Variants in ASTN2 observed in about 807,000 individuals in gnomAD.
ASTN2 encodes astrotactin-2.
Under a neutral mutation model 139.8 loss-of-function variants are expected in ASTN2, and 54 were observed. That is an observed-to-expected ratio of 0.39 (90% CI 0.31 to 0.48). The LOEUF (loss-of-function observed/expected upper bound fraction) is 0.48. ASTN2 is among the 20% of genes least tolerant of loss of function. The probability of loss-of-function intolerance (pLI) is 0.95; values close to 1 mark genes in which losing one functional copy is unlikely to be tolerated. For missense variants in ASTN2, 1,565 were observed against 1,725.1 expected (o/e 0.91, Z 1.64); for synonymous variants, 756 against 719.5 (o/e 1.05, Z -0.81).
intron 17 of ASTN2, among the ~76,000 whole-genome samples, chr9:116,625,284 C>G (rs982512104): frequency 5.9e-5 from 9 of 152,028 alleles, no homozygotes; most frequent in Admixed American, 5.9e-4. Flanking sequence ...AAATACAAAA[C>G]TTAGTCAGGT....
intron 20 of ASTN2, among the ~76,000 whole-genome samples, chr9:116,467,003 G>A (rs1848666366): frequency 6.6e-6 from 1 of 152,080 alleles, no homozygotes; most frequent in African/African-American, 2.4e-5. Flanking sequence ...GGTTTGGGTG[G>A]GACTGTTCCT....
intron 19 of ASTN2, among the ~76,000 whole-genome samples, chr9:116,569,183 G>A (rs1853384580): frequency 6.6e-6 from 1 of 152,152 alleles, no homozygotes; most frequent in African/African-American, 2.4e-5. Context: ...TTAGAACTAA[G>A]AATCAGACGG....
chr9:116,895,149 G>A (rs1181948806), intron 10 of ASTN2, among the ~76,000 whole-genome samples: 1 of 152,160 alleles, frequency 6.6e-6, no homozygotes, highest in Non-Finnish European at 1.5e-5. Flanking sequence ...CACCTCAGGT[G>A]GAAAATTCCA....
intron 13 of ASTN2, among the ~76,000 whole-genome samples, chr9:116,742,415 T>G (rs997039406): frequency 6.6e-6 from 1 of 152,226 alleles, no homozygotes; most frequent in Non-Finnish European, 1.5e-5. Flanking sequence ...GAAAGTCAAG[T>G]GGCTGAGAGT....
chr9:117,278,805 G>A (rs1389774803), intron 2 of ASTN2, among the ~76,000 whole-genome samples: 1 of 152,192 alleles, frequency 6.6e-6, no homozygotes, highest in Non-Finnish European at 1.5e-5. Flanking sequence ...CCACAGTGAA[G>A]TGAAATGTAG....
At chr9:116,822,474 G>A (rs1813226997) in intron 11 of ASTN2, among the ~76,000 whole-genome samples, 1 of 152,174 alleles carries the variant, frequency 6.6e-6, no homozygotes, top group African/African-American at 2.4e-5. Flanking sequence ...TGTCAGACAA[G>A]AGGGCACCTG....
At chr9:117,040,204 A>G (rs1049246938) in intron 5 of ASTN2, among the ~76,000 whole-genome samples, 1 of 152,226 alleles carries the variant, frequency 6.6e-6, no homozygotes, top group African/African-American at 2.4e-5. Context: ...AGCATAAAAG[A>G]AACAGGCTTT....
chr9:116,586,264 C>A (rs1214779601), intron 19 of ASTN2: 1 of 152,190 alleles, frequency 6.6e-6, no homozygotes, highest in Non-Finnish European at 1.5e-5. Flanking sequence ...TTAGAATTAT[C>A]ATTCAACCCA....
At chr9:116,565,425 A>ATT (rs1564120619) in intron 19 of ASTN2, among the ~76,000 whole-genome samples, 217 of 85,672 alleles carry the variant, frequency 2.5e-3, no homozygotes, top group Non-Finnish European at 3.9e-3. Context: ...ATATATATAT[A>ATT]TATATTTATT....
At chr9:117,324,403 G>A (rs369987348) in intron 1 of ASTN2, among the ~76,000 whole-genome samples, 34 of 152,284 alleles carry the variant, frequency 2.2e-4, no homozygotes, top group Middle Eastern at 3.4e-3. Flanking sequence ...AGAAACTTAC[G>A]ATCATAGCAG....
intron 19 of ASTN2, among the ~76,000 whole-genome samples, chr9:116,510,259 A>G (rs1850312097): frequency 6.6e-6 from 1 of 152,234 alleles, no homozygotes; most frequent in Non-Finnish European, 1.5e-5. Flanking sequence ...TTTGTTAAAT[A>G]GGGAATCCTT....
chr9:116,763,612 AC>A (rs140717097), intron 13 of ASTN2, among the ~76,000 whole-genome samples: 1,821 of 152,242 alleles, frequency 0.012, 46 homozygotes, highest in African/African-American at 0.041. Flanking sequence ...AGTCAGCTAG[AC>A]CTGGATGTTC....
intron 10 of ASTN2, among the ~76,000 whole-genome samples, chr9:116,941,427 A>G (rs185641040): frequency 1.3e-5 from 2 of 152,042 alleles, no homozygotes; most frequent in South Asian, 2.1e-4. Context: ...AACATGTTAC[A>G]TAACTATCCA....
At chr9:117,402,631 C>A (rs923634702) in intron 1 of ASTN2, among the ~76,000 whole-genome samples, 5 of 152,140 alleles carry the variant, frequency 3.3e-5, no homozygotes. Flanking sequence ...TTCAGATAGT[C>A]AGCGAGACAT....
At chr9:117,360,531 T>A (rs1261306979) in intron 1 of ASTN2, among the ~76,000 whole-genome samples, 1 of 152,282 alleles carries the variant, frequency 6.6e-6, no homozygotes, top group East Asian at 1.9e-4. Context: ...CAGGGGATAA[T>A]TCCCACCCTC....
In ASTN2 at chr9:116,948,785, G is replaced by GTTTTTTTTTTTTTTT. The variant is rs58832163; in HGVS notation, c.1889+26408_1889+26422dup. ...AGAGAGAGGAGAGAAATAATTTGGT[G>GTTTTTTTTTTTTTTT]TTTTTTTTTTTTTTTTTTTTTTTTT... On this transcript the variant is annotated intron_variant, in intron 10 of 22. Transcript: ENST00000313400. Among the ~76,000 whole-genome samples, 65 of 49,470 alleles carry GTTTTTTTTTTTTTTT rather than the reference G, an allele frequency of 1.3e-3. 16 individuals carry two copies. Among genetic ancestry groups the GTTTTTTTTTTTTTTT allele is most frequent in the African/African-American group, 5.4e-3 (63 of 11,586 alleles). 32.5% of individuals were successfully genotyped at this position (49,470 alleles called of 152,430 possible).
intron 1 of ASTN2, among the ~76,000 whole-genome samples, chr9:117,311,512 G>C (rs1244392012): frequency 6.6e-6 from 1 of 152,094 alleles, no homozygotes; most frequent in Non-Finnish European, 1.5e-5. Flanking sequence ...CAGAATCTCA[G>C]AGCCTCAGCA....
chr9:117,168,061 GT>G (rs1387529788), intron 3 of ASTN2, among the ~76,000 whole-genome samples: 1 of 152,036 alleles, frequency 6.6e-6, no homozygotes, highest in East Asian at 1.9e-4. Context: ...TTGAGACTCA[GT>G]TTTTTTCACC....
chr9:116,428,502 C>A (rs1008697312), intron 22 of ASTN2, among the ~76,000 whole-genome samples: 3 of 148,644 alleles, frequency 2.0e-5, no homozygotes, highest in Non-Finnish European at 4.5e-5. Flanking sequence ...CCAGCCTGGG[C>A]AACAAGAGCA....
Sources: allele counts gnomAD v4.1 joint callset (sites outside exome capture counted in the v4.1 genomes callset), GRCh38; gene constraint gnomAD v4.1.1; transcripts MANE v1.5; gene names NCBI Gene and HGNC (gene_info 2026-07-23, HGNC 2026-07-21).